DDX10: variants seen among roughly 807,000 people sequenced by gnomAD.
DDX10 encodes the protein DEAD-box helicase 10.
A neutral mutation model predicts 104.3 loss-of-function variants in DDX10; 74 were observed. The observed-to-expected ratio is 0.71, with a 90% CI of 0.59 to 0.86. The LOEUF (loss-of-function observed/expected upper bound fraction) is 0.86. DDX10 is among the 40% of genes least tolerant of loss of function. DDX10 has a pLI of 0.00. For missense variants in DDX10, 952 were observed against 1,040.0 expected, an observed-to-expected ratio of 0.92 and a Z score of 1.16; for synonymous variants, 351 against 353.4, an observed-to-expected ratio of 0.99 and a Z score of 0.08.
At chr11:108,812,403 T>A (rs1430826856) in intron 13 of DDX10, among the ~76,000 whole-genome samples, 1 of 152,184 alleles carries the variant, frequency 6.6e-6, no homozygotes, top group African/African-American at 2.4e-5. Context: ...GAATTTTTTT[T>A]AATGGTATTA....
chr11:108,822,224 C>T (rs1002576111), intron 13 of DDX10: 1 of 201,522 alleles, frequency 5.0e-6, no homozygotes, highest in Admixed American at 5.8e-5. Context: ...AATATTCTGT[C>T]ATTCATTGAT....
intron 16 of DDX10, among the ~76,000 whole-genome samples, chr11:108,852,547 G>C (rs1862808796): frequency 6.6e-6 from 1 of 152,204 alleles, no homozygotes; most frequent in Admixed American, 6.5e-5. Flanking sequence ...GGCCAGGCCT[G>C]ATAGGATTTT....
intron 16 of DDX10, among the ~76,000 whole-genome samples, chr11:108,858,614 G>A (rs532206580): frequency 3.3e-5 from 5 of 152,142 alleles, no homozygotes; most frequent in Non-Finnish European, 7.4e-5. Flanking sequence ...TTTGTATTAA[G>A]ATGATAGATT....
At chr11:108,871,591 A>T (rs1863082527) in intron 16 of DDX10, among the ~76,000 whole-genome samples, 1 of 152,066 alleles carries the variant, frequency 6.6e-6, no homozygotes, top group African/African-American at 2.4e-5. Context: ...ATTTGCCCAC[A>T]CCCCAACTCC....
chr11:108,759,195 A>C (rs1348479497), intron 13 of DDX10, among the ~76,000 whole-genome samples: 2 of 152,100 alleles, frequency 1.3e-5, no homozygotes, highest in Admixed American at 1.3e-4. Context: ...CTCAGATGCT[A>C]TTTAAATTAT....
At chr11:108,765,559 C>T (rs961893915) in intron 13 of DDX10, among the ~76,000 whole-genome samples, 2 of 152,136 alleles carry the variant, frequency 1.3e-5, no homozygotes, top group Non-Finnish European at 2.9e-5. Context: ...TAAAATATTT[C>T]GACTGCAGTT....
intron 13 of DDX10, chr11:108,767,801 A>G (rs768299717): frequency 1.3e-5 from 2 of 152,128 alleles, no homozygotes; most frequent in Non-Finnish European, 2.9e-5. Context: ...AGTCCACTTA[A>G]ATGTGGATTT....
chr11:108,868,663 G>A (rs1355855871), intron 16 of DDX10, among the ~76,000 whole-genome samples: 1 of 152,014 alleles, frequency 6.6e-6, no homozygotes, highest in East Asian at 1.9e-4. Flanking sequence ...AAAGCTAAAG[G>A]GGTATGTTGT....
At chr11:108,685,612 C>T (rs1042766398) in intron 6 of DDX10, among the ~76,000 whole-genome samples, 21 of 152,056 alleles carry the variant, frequency 1.4e-4, no homozygotes, top group Admixed American at 1.2e-3. Flanking sequence ...ATATAAAGAC[C>T]ATAGTCTAAG....
intron 13 of DDX10, among the ~76,000 whole-genome samples, chr11:108,797,290 C>T (rs1861956681): frequency 6.6e-6 from 1 of 152,114 alleles, no homozygotes; most frequent in South Asian, 2.1e-4. Context: ...CCTCGGCCTC[C>T]CAAAGTGTTG....
rs1460331635 is a variant in DDX10 at position 108,706,722 on chromosome 11, T to G, written c.1224-17T>G. On this transcript the variant is annotated splice_polypyrimidine_tract_variant and intron_variant, in intron 9 of 17. Transcript: ENST00000322536. ...GATTGCATTGATGTGTTAAAGATTT[T>G]GTTTCTTTTTGTTTAGGTACAAAGA... is the stretch of plus-strand genomic sequence containing the variant. The G allele has an allele frequency of 7.5e-6, 12 of 1,596,170 alleles. No individual in the cohort carries two copies. Among genetic ancestry groups the G allele is most frequent in the Non-Finnish European group, 1.0e-5 (12 of 1,163,816 alleles).
intron 17 of DDX10, among the ~76,000 whole-genome samples, chr11:108,928,705 GC>G (rs1267873461): frequency 2.6e-5 from 4 of 152,098 alleles, no homozygotes; most frequent in East Asian, 3.8e-4. Flanking sequence ...TTTTTACCTT[GC>G]AAAGTTACTG....
chr11:108,806,840 A>C (rs1001798370), intron 13 of DDX10, among the ~76,000 whole-genome samples: 1 of 152,202 alleles, frequency 6.6e-6, no homozygotes, highest in African/African-American at 2.4e-5. Flanking sequence ...ATGATCTAGC[A>C]ATAGAAGGCC....
At chr11:108,694,838 A>C (rs1352326516) in intron 9 of DDX10, among the ~76,000 whole-genome samples, 1 of 152,156 alleles carries the variant, frequency 6.6e-6, no homozygotes, top group Non-Finnish European at 1.5e-5. Flanking sequence ...CCGAGATCGC[A>C]CCACTGCATT....
At chr11:108,818,361 A>C (rs17108608) in intron 13 of DDX10, among the ~76,000 whole-genome samples, 24,687 of 152,134 alleles carry the variant, frequency 0.16, 2,033 homozygotes, top group East Asian at 0.25. Flanking sequence ...CATAGTAACT[A>C]TTGTGATCAG....
At chr11:108,876,762 AC>A (rs1179574074) in intron 16 of DDX10, among the ~76,000 whole-genome samples, 2 of 152,254 alleles carry the variant, frequency 1.3e-5, no homozygotes, top group African/African-American at 4.8e-5. Context: ...TCCCTCTCTT[AC>A]CACGCTTTTC....
At position 108,917,843 on chromosome 11, in the gene DDX10, A is replaced by G. The variant is rs549157402; in HGVS notation, c.2305-30A>G. On this transcript the variant is annotated intron_variant, in intron 16 of 17. Transcript: ENST00000322536. ...GATTATTTATCAACTGACTTCTTCA[A>G]CTGCAGTTTCCCTTATTATTATTTT... 1.4e-5 allele frequency: 23 copies of G among 1,604,742 alleles called. No homozygotes were observed. The South Asian group carries it at 2.4e-4, about 16-fold the overall frequency.
At chr11:108,685,849 G>C (rs1295624947) in intron 6 of DDX10, among the ~76,000 whole-genome samples, 2 of 152,104 alleles carry the variant, frequency 1.3e-5, no homozygotes, top group African/African-American at 2.4e-5. Flanking sequence ...TATTATTACT[G>C]ATAATATGAT....
chr11:108,702,138 A>G (rs2094269230), intron 9 of DDX10, among the ~76,000 whole-genome samples: 1 of 152,190 alleles, frequency 6.6e-6, no homozygotes. Context: ...ATGTATGTTA[A>G]ATAAGGTAAG....
Sources: gnomAD v4.1 joint callset for allele counts (sites outside exome capture counted in the v4.1 genomes callset) on GRCh38, gnomAD v4.1.1 for gene constraint, MANE v1.5 for transcripts, NCBI Gene and HGNC (gene_info 2026-07-23, HGNC 2026-07-21) for gene names.